The following QSOX2 variants were observed in gnomAD, a reference collection of about 807,000 sequenced individuals.
QSOX2 encodes the protein sulfhydryl oxidase 2.
Under a neutral mutation model 61.7 loss-of-function variants are expected in QSOX2, and 46 were observed. The ratio of observed to expected loss-of-function variants is 0.75; its 90% CI spans 0.59 to 0.95. QSOX2 has a LOEUF of 0.95. QSOX2 is among the 40% of genes least tolerant of loss of function. QSOX2 has a pLI of 0.00. For synonymous variants in QSOX2, 383 were observed against 388.4 expected (o/e 0.99, Z 0.16); for missense variants, 879 against 918.9 (o/e 0.96, Z 0.56).
chr9:136,235,384 G>A lies in QSOX2; in HGVS notation c.329-8510C>T, dbSNP rs912880524. Reference sequence around the variant, plus strand: ...CTGCTGGGCCCTTACGGGGAGTGACGACCAAGGAAGGAGAGAAGGAGAGAA... The same window carrying A: ...CTGCTGGGCCCTTACGGGGAGTGACAACCAAGGAAGGAGAGAAGGAGAGAA... On this transcript the variant is annotated intron_variant, in intron 1 of 11. Coordinates refer to ENST00000358701, the MANE Select transcript of QSOX2 (RefSeq NM_181701.4). Among the ~76,000 whole-genome samples, 9 of 152,196 alleles carry A rather than the reference G, an allele frequency of 5.9e-5. No homozygotes were observed. In the East Asian group the frequency reaches 9.7e-4, roughly 16 times the overall value.
intron 2 of QSOX2, among the ~76,000 whole-genome samples, chr9:136,225,272 G>A (rs986410752): frequency 2.0e-5 from 3 of 152,218 alleles, no homozygotes; most frequent in Non-Finnish European, 4.4e-5. Flanking sequence ...GTGACAACAC[G>A]GAGGATGTGC....
chr9:136,229,977 G>C (rs1830315734), intron 1 of QSOX2, among the ~76,000 whole-genome samples: 1 of 152,224 alleles, frequency 6.6e-6, no homozygotes, highest in South Asian at 2.1e-4. Flanking sequence ...AGGTGGTGCT[G>C]CTCTTTTTAA....
rs978684777 is a variant in QSOX2, at chr9:136,223,690, A to T, written c.675+73T>A. On this transcript the variant is annotated intron_variant, in intron 5 of 11. Transcript: ENST00000358701. The surrounding 1 kb of genome is among the most constrained non-coding windows in gnomAD (Gnocchi z 4.4). Reference sequence around the variant, plus strand: ...GCCGACACAGTGACCGGCACCTGCAAATCTCATCACAGATCCACCGCCAAC... The same window carrying T: ...GCCGACACAGTGACCGGCACCTGCATATCTCATCACAGATCCACCGCCAAC... The T allele has an allele frequency of 1.7e-6, 2 of 1,192,386 alleles. No homozygotes were observed. The highest frequency in any genetic ancestry group is 3.0e-5 in the African/African-American group (2 of 66,148). 73.9% of individuals were successfully genotyped at this position (1,192,386 alleles called of 1,614,324 possible). A position where few individuals can be genotyped will look rare whatever the true frequency, so the allele number is the denominator to read the frequency against.
In QSOX2 at chr9:136,211,255, G is replaced by A. The variant is rs2131048666; in HGVS notation, c.1549+9C>T. The A allele has an allele frequency of 6.2e-7, 1 of 1,613,304 alleles. No individual in the cohort carries two copies. The highest frequency in any genetic ancestry group is 2.2e-5 in the East Asian group (1 of 44,864). ...CGTGCTGAGCCCCCCATGCCCAGGG[G>A]CTTCTCACCTGCCAGGCGGCCGTTC... On this transcript the variant is annotated intron_variant, in intron 11 of 11. Coordinates refer to ENST00000358701, the MANE Select transcript of QSOX2 (RefSeq NM_181701.4).
At position 136,229,347 on chromosome 9, in the gene QSOX2, C is replaced by T. The variant is rs537634701; in HGVS notation, c.329-2473G>A. 1.4e-4 allele frequency among the ~76,000 whole-genome samples: 22 copies of T among 152,354 alleles called. No homozygotes were observed. The South Asian group carries it at 2.5e-3, about 17-fold the overall frequency. On this transcript the variant is annotated intron_variant, in intron 1 of 11. Coordinates refer to ENST00000358701, the MANE Select transcript of QSOX2 (RefSeq NM_181701.4). ...AAACAGGAGGTGCTCCCAGCAGCCCCGCCGTGGGCAGCTCACGGGCGGACC... is the reference window on the plus strand; with the variant it reads ...AAACAGGAGGTGCTCCCAGCAGCCCTGCCGTGGGCAGCTCACGGGCGGACC...
At chr9:136,233,912 GTT>G (rs1307976787) in intron 1 of QSOX2, among the ~76,000 whole-genome samples, 1 of 152,192 alleles carries the variant, frequency 6.6e-6, no homozygotes, top group Admixed American at 6.5e-5. Context: ...CACAGAAACC[GTT>G]TAGAGAAATA....
At chr9:136,214,782 T>C (rs73668093) in intron 10 of QSOX2, among the ~76,000 whole-genome samples, 228 of 152,354 alleles carry the variant, frequency 1.5e-3, no homozygotes, top group African/African-American at 5.2e-3. Context: ...TTTGGGGTGA[T>C]TTGTTATACA....
At chr9:136,215,573 GTAATAT>G (rs1375614148) in intron 9 of QSOX2, among the ~76,000 whole-genome samples, 1 of 152,156 alleles carries the variant, frequency 6.6e-6, no homozygotes, top group Non-Finnish European at 1.5e-5. Flanking sequence ...TGATAAACCA[GTAATAT>G]TAAGCATAAA....
chr9:136,236,581 G>A (rs1351097240), intron 1 of QSOX2, among the ~76,000 whole-genome samples: 1 of 152,218 alleles, frequency 6.6e-6, no homozygotes, highest in Non-Finnish European at 1.5e-5. Context: ...CGTGCGCCCC[G>A]AGACTTACAC....
intron 1 of QSOX2, among the ~76,000 whole-genome samples, chr9:136,239,384 C>T (rs1344716759): frequency 6.6e-6 from 1 of 152,162 alleles, no homozygotes; most frequent in African/African-American, 2.4e-5. Context: ...TCAAGTGATC[C>T]TCCCACCTTC....
intron 11 of QSOX2, 68 bp downstream of exon 11, chr9:136,211,196 C>T: frequency 6.5e-7 from 1 of 1,531,696 alleles, no homozygotes; most frequent in Middle Eastern, 2.0e-4. Flanking sequence ...GCCGTGCCGT[C>T]CTTGCTGTCC....
At position 136,215,201 on chromosome 9, in the gene QSOX2, G is replaced by C; in HGVS notation, c.1313C>G (p.Thr438Ser). ...GTGGGTCGAGGCTTCAACAGTCAAA[G>C]TGTGGAACAGTTTCCAGAGAGAACA... Reference protein sequence around the residue: ...YPCSLWKLFHTLTVEASTHPD... With the variant: ...YPCSLWKLFHSLTVEASTHPD... Residue 438 changes from threonine to serine, a missense_variant, in exon 10 of 12, where the codon ACT (threonine) becomes AGT (serine). Transcript: ENST00000358701. 1 of 1,614,112 alleles carries C rather than the reference G, an allele frequency of 6.2e-7. No homozygotes were observed. Among genetic ancestry groups the C allele is most frequent in the Non-Finnish European group, 8.5e-7 (1 of 1,180,040 alleles).
In QSOX2 at chr9:136,216,637, T is replaced by C. The variant is rs375186579; in HGVS notation, c.1172A>G (p.Tyr391Cys). The C allele has an allele frequency of 1.9e-5, 30 of 1,613,794 alleles. No individual in the cohort carries two copies. The highest frequency in any genetic ancestry group is 1.6e-4 in the Middle Eastern group (1 of 6,078). The change falls in exon 9 of 12, where the codon TAC (tyrosine) becomes TGC (cysteine). Residue 391 changes from tyrosine to cysteine, a missense_variant. Coordinates refer to ENST00000358701, the MANE Select transcript of QSOX2 (RefSeq NM_181701.4). ...GTTGACCAGGTCAAGCACGGCGTTGTAGGGGATCCTGTCCAGGGGAAGGCT... is the reference window on the plus strand; with the variant it reads ...GTTGACCAGGTCAAGCACGGCGTTGCAGGGGATCCTGTCCAGGGGAAGGCT... ...LASLPLDRIP[Y>C]NAVLDLVNNK...
chr9:136,214,512 G>A (rs760495170), intron 10 of QSOX2, among the ~76,000 whole-genome samples: 33 of 152,344 alleles, frequency 2.2e-4, no homozygotes, highest in Middle Eastern at 3.4e-3. Flanking sequence ...CCCTGAGCGT[G>A]GCCTGCAGTC....
intron 1 of QSOX2, among the ~76,000 whole-genome samples, chr9:136,237,645 C>A (rs1433075470): frequency 6.7e-6 from 1 of 148,546 alleles, no homozygotes; most frequent in Non-Finnish European, 1.5e-5. Flanking sequence ...CCGTCCTGTG[C>A]CATACCTGGA....
intron 8 of QSOX2, among the ~76,000 whole-genome samples, chr9:136,217,056 G>A (rs750706279): frequency 1.3e-4 from 20 of 152,230 alleles, no homozygotes; most frequent in African/African-American, 1.9e-4. Flanking sequence ...TGGAGCTGGC[G>A]GGGGCTTGCT....
chr9:136,224,819 A>T (rs769284715), intron 3 of QSOX2, 42 bp downstream of exon 3: 7 of 1,411,530 alleles, frequency 5.0e-6, no homozygotes, highest in Admixed American at 1.8e-5. Context: ...CAGGTTTATG[A>T]GGGGAATCTC....
chr9:136,224,651 A>T (rs1379757574), intron 3 of QSOX2, among the ~76,000 whole-genome samples: 2 of 152,250 alleles, frequency 1.3e-5, no homozygotes, highest in Non-Finnish European at 2.9e-5. Context: ...AGTTTTTACT[A>T]CAATATTTGC....
In QSOX2 at chr9:136,221,714, C is replaced by A. The variant is rs1490457799; in HGVS notation, c.821+82G>T. The A allele has an allele frequency of 7.7e-6, 11 of 1,432,086 alleles. No individual in the cohort carries two copies. Among genetic ancestry groups the A allele is most frequent in the Non-Finnish European group, 1.0e-5 (11 of 1,076,106 alleles). The allele number at this position is 1,432,086 out of a possible 1,614,324, so 88.7% of individuals were successfully genotyped here. The stretch of plus-strand genomic sequence containing the variant: ...GGGCCAGGGCTCCCCCGATCTCACA[C>A]CAGACTTGCACTGTCTACTCGGAGC... On this transcript the variant is annotated intron_variant, in intron 6 of 11. Coordinates refer to ENST00000358701, the MANE Select transcript of QSOX2 (RefSeq NM_181701.4). The surrounding 1 kb of genome is among the most constrained non-coding windows in gnomAD (Gnocchi z 4.5).
Sources: allele counts gnomAD v4.1 joint callset (sites outside exome capture counted in the v4.1 genomes callset), GRCh38; gene constraint gnomAD v4.1.1; non-coding constraint Gnocchi (gnomAD v3.1); transcripts MANE v1.5; gene names NCBI Gene and HGNC (gene_info 2026-07-23, HGNC 2026-07-21).